AGBL4: variants seen among roughly 807,000 people sequenced by gnomAD.
The protein encoded by AGBL4 is cytosolic carboxypeptidase 6.
Under a neutral mutation model 66.4 loss-of-function variants are expected in AGBL4, and 58 were observed. The observed-to-expected ratio is 0.87, with a 90% confidence interval of 0.71 to 1.09. The LOEUF (loss-of-function observed/expected upper bound fraction) is 1.09, where lower values mean the gene tolerates loss of function less well. Among genes scored for constraint, AGBL4 ranks in the 50% least tolerant of loss-of-function variants. The pLI is 0.00. For missense variants in AGBL4, 579 were observed against 631.0 expected, an observed-to-expected ratio of 0.92 and a Z score of 0.88; for synonymous variants, 234 against 222.9, an observed-to-expected ratio of 1.05 and a Z score of -0.44.
intron 2 of AGBL4, among the ~76,000 whole-genome samples, chr1:49,771,317 T>C (rs1375267298): frequency 6.6e-6 from 1 of 152,136 alleles, no homozygotes; most frequent in African/African-American, 2.4e-5. Flanking sequence ...TTCAATGGTT[T>C]TCTTGTTGAT....
intron 2 of AGBL4, among the ~76,000 whole-genome samples, chr1:49,816,360 G>A (rs1053258955): frequency 1.3e-5 from 2 of 152,174 alleles, no homozygotes; most frequent in African/African-American, 2.4e-5. Context: ...GCTCAGACAT[G>A]ATTTAAGCTG....
intron 6 of AGBL4, among the ~76,000 whole-genome samples, chr1:48,798,851 C>A (rs1645749448): frequency 1.3e-5 from 2 of 152,176 alleles, no homozygotes; most frequent in East Asian, 1.9e-4. Flanking sequence ...ATTTCTGGGT[C>A]CTCTATTCTG....
At chr1:49,314,711 A>G (rs1272187970) in intron 3 of AGBL4, among the ~76,000 whole-genome samples, 2 of 152,136 alleles carry the variant, frequency 1.3e-5, no homozygotes, top group African/African-American at 4.8e-5. Context: ...GTGTCTTTAT[A>G]GTATAATGAT....
At chr1:49,151,476 A>T (rs1646332451) in intron 4 of AGBL4, among the ~76,000 whole-genome samples, 1 of 151,380 alleles carries the variant, frequency 6.6e-6, no homozygotes, top group Non-Finnish European at 1.5e-5. Context: ...AAACCTTATT[A>T]TGATGTTGGC....
At chr1:49,189,377 AATG>A (rs1473609916) in intron 4 of AGBL4, among the ~76,000 whole-genome samples, 1 of 152,178 alleles carries the variant, frequency 6.6e-6, no homozygotes, top group Non-Finnish European at 1.5e-5. Context: ...TGAATAAAAG[AATG>A]AACAGCTGGT....
chr1:48,782,139 G>A (rs543730807), intron 6 of AGBL4, among the ~76,000 whole-genome samples: 1 of 152,310 alleles, frequency 6.6e-6, no homozygotes, highest in Admixed American at 6.5e-5. Context: ...GATTGGAGGG[G>A]ACGCAAGTCT....
chr1:48,663,377 A>G, intron 6 of AGBL4, 136 bp from the exon 7 acceptor site: 1 of 749,586 alleles, frequency 1.3e-6, no homozygotes, highest in Non-Finnish European at 2.3e-6. Flanking sequence ...GGTTAGAATC[A>G]TTAAGGTCCA....
At position 48,736,246 on chromosome 1, in the gene AGBL4, G is replaced by A. The variant is rs888132926; in HGVS notation, c.635-73005C>T. The A allele has an allele frequency of 4.3e-6, 7 of 1,613,864 alleles. No individual in the cohort carries two copies. In the Admixed American group the frequency reaches 6.7e-5, roughly 15 times the overall value. ...TTCCACTCAGTGACCTACCTCTGAC[G>A]ATGCTTAGTTTGTGAGGCGAGAGGG... On this transcript the variant is annotated intron_variant, in intron 6 of 13. Transcript: ENST00000371839. The surrounding 1 kb of genome is among the most constrained non-coding windows in gnomAD (Gnocchi z 4.0).
intron 3 of AGBL4, among the ~76,000 whole-genome samples, chr1:49,279,361 A>G (rs1292231978): frequency 6.6e-6 from 1 of 152,208 alleles, no homozygotes; most frequent in African/African-American, 2.4e-5. Flanking sequence ...AAGTAAATTA[A>G]CAATTACAAA....
chr1:49,807,211 T>C (rs1181718228), intron 2 of AGBL4, among the ~76,000 whole-genome samples: 1 of 152,022 alleles, frequency 6.6e-6, no homozygotes, highest in Non-Finnish European at 1.5e-5. Context: ...GAATCCAGCC[T>C]AGGAAAGCAA....
chr1:49,988,853 A>T (rs2148399113), intron 1 of AGBL4, among the ~76,000 whole-genome samples: 1 of 152,336 alleles, frequency 6.6e-6, no homozygotes, highest in Non-Finnish European at 1.5e-5. Context: ...TATTAGAACC[A>T]GACTATATTT....
chr1:48,871,517 G>A (rs1006853992), intron 5 of AGBL4, among the ~76,000 whole-genome samples: 5 of 151,956 alleles, frequency 3.3e-5, no homozygotes, highest in African/African-American at 1.2e-4. Flanking sequence ...AAGGAATGTG[G>A]GTATGCCAGC....
At chr1:49,586,026 T>C (rs1182966796) in intron 3 of AGBL4, among the ~76,000 whole-genome samples, 2 of 152,212 alleles carry the variant, frequency 1.3e-5, no homozygotes, top group Non-Finnish European at 2.9e-5. Context: ...TATCTTTGCT[T>C]GTTCAAACCT....
At chr1:49,575,371 C>T (rs950600241) in intron 3 of AGBL4, among the ~76,000 whole-genome samples, 4 of 152,202 alleles carry the variant, frequency 2.6e-5, no homozygotes, top group Admixed American at 1.3e-4. Flanking sequence ...GCAGAACCCC[C>T]ACATTGGCTC....
At chr1:49,773,729 A>C (rs1361824421) in intron 2 of AGBL4, among the ~76,000 whole-genome samples, 1 of 152,200 alleles carries the variant, frequency 6.6e-6, no homozygotes, top group Non-Finnish European at 1.5e-5. Flanking sequence ...AGGGGTGATC[A>C]TGAGCAGATC....
chr1:49,019,775 T>C (rs1354370599), intron 5 of AGBL4, among the ~76,000 whole-genome samples: 1 of 152,236 alleles, frequency 6.6e-6, no homozygotes, highest in Non-Finnish European at 1.5e-5. Context: ...ATTTTTTAAA[T>C]CACAGACTTT....
intron 2 of AGBL4, among the ~76,000 whole-genome samples, chr1:49,809,561 T>C (rs544271861): frequency 6.6e-6 from 1 of 152,146 alleles, no homozygotes; most frequent in Non-Finnish European, 1.5e-5. Context: ...AAATAGTTTA[T>C]TGTCAAAACC....
At chr1:49,838,916 A>G (rs150481829) in intron 2 of AGBL4, among the ~76,000 whole-genome samples, 674 of 152,266 alleles carry the variant, frequency 4.4e-3, no homozygotes, top group Middle Eastern at 0.01. Flanking sequence ...ACTAAAGCAT[A>G]AGAGGGTGGT....
chr1:48,889,442 CTGAG>C (rs1291868137), intron 5 of AGBL4, among the ~76,000 whole-genome samples: 18 of 152,060 alleles, frequency 1.2e-4, no homozygotes. Context: ...TAGCAATAAA[CTGAG>C]TGAGAAAGAT....
Sources: allele counts gnomAD v4.1 joint callset (sites outside exome capture counted in the v4.1 genomes callset), GRCh38; gene constraint gnomAD v4.1.1; non-coding constraint Gnocchi (gnomAD v3.1); transcripts MANE v1.5; gene names NCBI Gene and HGNC (gene_info 2026-07-23, HGNC 2026-07-21).